The following PEAK1 variants were observed in gnomAD, a reference collection of about 807,000 sequenced individuals.
PEAK1 encodes the protein pseudopodium enriched atypical kinase 1.
A neutral mutation model predicts 124.7 loss-of-function variants in PEAK1; 54 were observed. That is an observed-to-expected ratio of 0.43 (90% CI 0.35 to 0.54). The LOEUF is 0.54. Ranked by LOEUF, PEAK1 falls within the 20% of genes least tolerant of loss-of-function variation. The pLI, the probability that PEAK1 is intolerant of heterozygous loss-of-function variation, is 0.01. For missense variants in PEAK1, 2,046 were observed against 2,134.5 expected, an observed-to-expected ratio of 0.96 and a Z score of 0.82; for synonymous variants, 719 against 760.0, an observed-to-expected ratio of 0.95 and a Z score of 0.89.
At chr15:77,163,803 A>C (rs1020256364) in intron 7 of PEAK1, among the ~76,000 whole-genome samples, 1 of 150,882 alleles carries the variant, frequency 6.6e-6, no homozygotes, top group Non-Finnish European at 1.5e-5. Flanking sequence ...TCTGTTCAGC[A>C]GGTACACATG....
intron 7 of PEAK1, among the ~76,000 whole-genome samples, chr15:77,167,896 C>A (rs1250369816): frequency 6.6e-6 from 1 of 152,076 alleles, no homozygotes; most frequent in Non-Finnish European, 1.5e-5. Context: ...CATGCCCCCA[C>A]CCCACGACAG....
intron 8 of PEAK1, among the ~76,000 whole-genome samples, chr15:77,135,774 G>C (rs1055915062): frequency 6.6e-6 from 1 of 152,156 alleles, no homozygotes; most frequent in African/African-American, 2.4e-5. Context: ...ATCCACATAC[G>C]ATGTGACTTG....
At chr15:77,132,300 G>A (rs546525234) in intron 9 of PEAK1, among the ~76,000 whole-genome samples, 3 of 151,676 alleles carry the variant, frequency 2.0e-5, no homozygotes, top group Non-Finnish European at 4.4e-5. Context: ...GCCTAGGCTG[G>A]TCTCGAACTC....
intron 8 of PEAK1, among the ~76,000 whole-genome samples, chr15:77,138,585 C>A (rs762803028): frequency 1.3e-5 from 2 of 151,986 alleles, no homozygotes; most frequent in Non-Finnish European, 2.9e-5. Flanking sequence ...TTCTTTGGGC[C>A]AGGCACGGTG....
In PEAK1 at chr15:77,161,660, T is replaced by C. The variant is rs530819913; in HGVS notation, c.3138-2964A>G. On this transcript the variant is annotated intron_variant, in intron 7 of 9. Transcript: ENST00000682557. ...CATGTCTTAATGCTTAAAGGAAGAA[T>C]AGCTCTTTGTATGATTAAAATGATA... 1.8e-3 allele frequency among the ~76,000 whole-genome samples: 273 copies of C among 152,230 alleles called. 1 individual carries two copies. The highest frequency in any genetic ancestry group is 6.3e-3 in the African/African-American group (262 of 41,554).
intron 7 of PEAK1, among the ~76,000 whole-genome samples, chr15:77,175,516 T>G (rs1163364437): frequency 6.6e-6 from 1 of 151,802 alleles, no homozygotes; most frequent in Non-Finnish European, 1.5e-5. Flanking sequence ...TCATCATCAC[T>G]GGCCATCAGA....
At chr15:77,218,107 C>T (rs2059227054) in intron 6 of PEAK1, among the ~76,000 whole-genome samples, 1 of 151,854 alleles carries the variant, frequency 6.6e-6, no homozygotes, top group South Asian at 2.1e-4. Flanking sequence ...TATATTTTGC[C>T]TTATTGCACT....
At chr15:77,104,228 T>C (rs1349669157), downstream of PEAK1, 2 of 152,372 alleles carry the variant, frequency 1.3e-5, no homozygotes, top group East Asian at 3.9e-4. Flanking sequence ...ATGAGGTTAA[T>C]GTGTGGGAAA....
At chr15:77,313,692 G>GTGTGTA (rs34603921) in intron 2 of PEAK1, among the ~76,000 whole-genome samples, 4,527 of 98,114 alleles carry the variant, frequency 0.046, 187 homozygotes, top group African/African-American at 0.11. Context: ...GTGTGTGTGT[G>GTGTGTA]TATATATATA....
At chr15:77,366,143 A>C (rs1258835456) in intron 1 of PEAK1, among the ~76,000 whole-genome samples, 1 of 152,346 alleles carries the variant, frequency 6.6e-6, no homozygotes, top group African/African-American at 2.4e-5. Context: ...GACTCATGGT[A>C]AGATTGCACC....
At chr15:77,241,537 CCT>C in intron 6 of PEAK1, among the ~76,000 whole-genome samples, 1 of 152,082 alleles carries the variant, frequency 6.6e-6, no homozygotes, top group Non-Finnish European at 1.5e-5. Flanking sequence ...TAAAACTGTA[CCT>C]ATTTGCATAT....
chr15:77,401,451 A>T, intron 1 of PEAK1: 1 of 883,054 alleles, frequency 1.1e-6, no homozygotes, highest in Non-Finnish European at 1.4e-6. Flanking sequence ...ATACCCAAGG[A>T]CCAGACACCA....
chr15:77,182,943 C>G (rs931668771), intron 6 of PEAK1, among the ~76,000 whole-genome samples: 2 of 151,396 alleles, frequency 1.3e-5, no homozygotes, highest in African/African-American at 4.9e-5. Flanking sequence ...GAAATTCTTA[C>G]GTATATAAGT....
intron 1 of PEAK1, among the ~76,000 whole-genome samples, chr15:77,412,594 T>C (rs1160514940): frequency 1.3e-5 from 2 of 152,194 alleles, no homozygotes; most frequent in Non-Finnish European, 2.9e-5. Flanking sequence ...TTTTACATAA[T>C]TGTACATGGA....
In PEAK1 at chr15:77,115,195, C is replaced by CTTCCCT; in HGVS notation, c.4201_4202insAGGGAA (p.Arg1401delinsGlnGlySer). The CTTCCCT allele has an allele frequency of 1.2e-6, 2 of 1,614,140 alleles. No homozygotes were observed. Among genetic ancestry groups the CTTCCCT allele is most frequent in the Non-Finnish European group, 1.7e-6 (2 of 1,180,032 alleles). On this transcript the variant is annotated protein_altering_variant, in exon 10 of 10. Coordinates refer to ENST00000682557, the MANE Select transcript of PEAK1 (RefSeq NM_001385026.1). ...ATCTGGATCCTCCCAGGGAAGCAGA[C>CTTCCCT]GGTTAGGGACTTCAGCAAGGAAATG... is the stretch of plus-strand genomic sequence containing the variant.
intron 2 of PEAK1, among the ~76,000 whole-genome samples, chr15:77,309,316 T>C (rs2064293548): frequency 6.6e-6 from 1 of 152,112 alleles, no homozygotes; most frequent in African/African-American, 2.4e-5. Flanking sequence ...ACCATTGCTT[T>C]TGACTCTCCT....
intron 2 of PEAK1, among the ~76,000 whole-genome samples, chr15:77,291,398 A>G (rs1298648510): frequency 6.6e-6 from 1 of 152,200 alleles, no homozygotes; most frequent in Non-Finnish European, 1.5e-5. Context: ...CATAAACACT[A>G]TTATAAAATA....
chr15:77,201,356 G>A (rs973336402), intron 6 of PEAK1, among the ~76,000 whole-genome samples: 1 of 145,552 alleles, frequency 6.9e-6, no homozygotes, highest in Non-Finnish European at 1.5e-5. Flanking sequence ...TCCTGCCTCC[G>A]CCTCCCGAGT....
chr15:77,241,670 C>T (rs569868338), intron 6 of PEAK1, among the ~76,000 whole-genome samples: 1 of 151,508 alleles, frequency 6.6e-6, no homozygotes, highest in African/African-American at 2.4e-5. Context: ...TTTCTATATA[C>T]AAGCAATGTA....
Sources: allele counts gnomAD v4.1 joint callset (sites outside exome capture counted in the v4.1 genomes callset), GRCh38; gene constraint gnomAD v4.1.1; transcripts MANE v1.5; gene names NCBI Gene and HGNC (gene_info 2026-07-23, HGNC 2026-07-21).